CD4: variants seen among roughly 807,000 people sequenced by gnomAD.
The protein encoded by CD4 is CD4 molecule.
CD4 carries 25 observed loss-of-function variants against 50.5 expected under a neutral mutation model. The ratio of observed to expected loss-of-function variants is 0.49; its 90% confidence interval spans 0.36 to 0.69. CD4 has a LOEUF of 0.69. Among genes scored for constraint, CD4 ranks in the 30% least tolerant of loss-of-function variants. The pLI is 0.00. For missense variants in CD4, 456 were observed against 548.5 expected, an observed-to-expected ratio of 0.83 and a Z score of 1.68; for synonymous variants, 207 against 221.9, an observed-to-expected ratio of 0.93 and a Z score of 0.60.
intron 3 of CD4, among the ~76,000 whole-genome samples, chr12:6,802,726 C>A (rs988420895): frequency 1.3e-5 from 2 of 151,996 alleles, no homozygotes; most frequent in South Asian, 2.1e-4. Flanking sequence ...AATGAGACTA[C>A]CAATTATTAG....
chr12:6,818,613 A>G lies in CD4; in HGVS notation c.1278+71A>G, dbSNP rs782662083. On this transcript the variant is annotated intron_variant, in intron 8 of 9. Transcript: ENST00000011653. This position sits in a 1 kb window ranked among gnomAD's most constrained non-coding sequence, Gnocchi z 5.0. Reference sequence around the variant, plus strand: ...AGTCCTCTACCAGGAGATCCTGTATATGGGAACTGATTTTGGCCCAGCTCC... The same window carrying G: ...AGTCCTCTACCAGGAGATCCTGTATGTGGGAACTGATTTTGGCCCAGCTCC... The G allele has an allele frequency of 7.9e-5, 126 of 1,589,200 alleles. 2 individuals are homozygous for G. The South Asian group carries it at 1.3e-3, about 17-fold the overall frequency.
At chr12:6,803,586 C>T (rs1942628689) in intron 3 of CD4, among the ~76,000 whole-genome samples, 1 of 149,886 alleles carries the variant, frequency 6.7e-6, no homozygotes, top group Non-Finnish European at 1.5e-5. Context: ...AGATCAAGAT[C>T]ATCCTGGCTA....
intron 3 of CD4, among the ~76,000 whole-genome samples, chr12:6,808,450 CAAAAAAAAAAAAAAAAAAA>C (rs3032789): frequency 0.026 from 977 of 37,894 alleles, 41 homozygotes; most frequent in African/African-American, 0.045. Flanking sequence ...GATTCTGTCT[CAAAAAAAAAAAAAAAAAAA>C]AAAAAAAAAA....
At chr12:6,808,069 G>A (rs1203389114) in intron 3 of CD4, among the ~76,000 whole-genome samples, 1 of 127,944 alleles carries the variant, frequency 7.8e-6, no homozygotes, top group Non-Finnish European at 1.6e-5. Flanking sequence ...GACAGAGTGA[G>A]GCTCTTTCTC....
chr12:6,816,086 A>T lies in CD4; in HGVS notation c.638A>T (p.Lys213Met). 1.2e-6 allele frequency: 2 copies of T among 1,614,106 alleles called. No homozygotes were observed. Among genetic ancestry groups the T allele is most frequent in the Non-Finnish European group, 8.5e-7 (1 of 1,180,010 alleles). Residue 213 changes from lysine to methionine, a missense_variant, in exon 6 of 10, where the codon AAG becomes ATG. Transcript: ENST00000011653. The surrounding 1 kb of genome is among the most constrained non-coding windows in gnomAD (Gnocchi z 4.9). ...CAGAAGGCCTCCAGCATAGTCTATA[A>T]GAAAGAGGGGGAACAGGTGGAGTTC... ...AFQKASSIVY[K>M]KEGEQVEFSF... is the part of the protein sequence containing the mutation.
intron 3 of CD4, among the ~76,000 whole-genome samples, chr12:6,803,129 C>T (rs1452199208): frequency 6.6e-6 from 1 of 151,944 alleles, no homozygotes; most frequent in African/African-American, 2.4e-5. Context: ...GTCTACTTGA[C>T]AGAAATAAAA....
At position 6,792,869 on chromosome 12, in the gene CD4, C is replaced by T. The variant is rs576273837; in HGVS notation, c.-68+3207C>T. Among the ~76,000 whole-genome samples the T allele has an allele frequency of 6.6e-6, 1 of 152,150 alleles. No homozygotes were observed. The highest frequency in any genetic ancestry group is 2.1e-4 in the South Asian group (1 of 4,804). ...TATGAGGCAAAGAGGAAGACAGACA[C>T]AGACACAGGGAGCTGCAGGCTGGGG... On this transcript the variant is annotated intron_variant, in intron 1 of 9. Coordinates refer to ENST00000011653, the MANE Select transcript of CD4 (RefSeq NM_000616.5). This position sits in a 1 kb window ranked among gnomAD's most constrained non-coding sequence, Gnocchi z 4.1.
intron 3 of CD4, among the ~76,000 whole-genome samples, chr12:6,806,408 C>T (rs1942760418): frequency 6.6e-6 from 1 of 151,896 alleles, no homozygotes; most frequent in Non-Finnish European, 1.5e-5. Context: ...ATCACTGAGC[C>T]AGGGAGGCAG....
chr12:6,818,730 T>C lies in CD4; in HGVS notation c.1279-117T>C, dbSNP rs1943181108. 8.4e-7 allele frequency: 1 copy of C among 1,190,514 alleles called. No homozygotes were observed. The highest frequency in any genetic ancestry group is 1.2e-6 in the Non-Finnish European group (1 of 801,462). 73.7% of individuals were successfully genotyped at this position (1,190,514 alleles called of 1,614,324 possible). On this transcript the variant is annotated intron_variant, in intron 8 of 9. Coordinates refer to ENST00000011653, the MANE Select transcript of CD4 (RefSeq NM_000616.5). The surrounding 1 kb of genome is among the most constrained non-coding windows in gnomAD (Gnocchi z 5.0). Reference sequence around the variant, plus strand: ...AGCAGAGAGTTAATTCCAGGATAGATGGCCTGGGCCATGTAACTGCTTCTC... The same window carrying C: ...AGCAGAGAGTTAATTCCAGGATAGACGGCCTGGGCCATGTAACTGCTTCTC...
chr12:6,789,830 A>G (rs1282775002), intron 1 of CD4, among the ~76,000 whole-genome samples, 168 bp downstream of exon 1: 1 of 152,234 alleles, frequency 6.6e-6, no homozygotes, highest in African/African-American at 2.4e-5. Context: ...TGGAACTGTG[A>G]GCTTCCAGAG....
chr12:6,795,441 A>G (rs1942348870), intron 1 of CD4, among the ~76,000 whole-genome samples: 1 of 152,196 alleles, frequency 6.6e-6, no homozygotes, highest in Admixed American at 6.5e-5. Flanking sequence ...AAACCACCGT[A>G]AGAGGACCAA....
At chr12:6,815,068 C>A in intron 5 of CD4, 76 bp downstream of exon 5, 1 of 1,008,222 alleles carries the variant, frequency 9.9e-7, no homozygotes, top group South Asian at 1.4e-5. Context: ...TCTGACTGCC[C>A]TGTTTCTGGT....
rs1444713418 is a variant in CD4, at chr12:6,820,132, AG to A, written c.*806del. 1.3e-5 allele frequency: 2 copies of A among 152,288 alleles called. No individual in the cohort carries two copies. Among genetic ancestry groups the A allele is most frequent in the Non-Finnish European group, 2.9e-5 (2 of 68,064 alleles). 9.4% of individuals were successfully genotyped at this position (152,288 alleles called of 1,614,324 possible). The stretch of plus-strand genomic sequence containing the variant: ...AGTTCCACTGCTGCCTCTTGAATGC[AG>A]GGACAAATGCCACACGGCTCTCACC... On this transcript the variant is annotated 3_prime_UTR_variant, in exon 10 of 10. Transcript: ENST00000011653.
chr12:6,803,205 C>CA (rs1555115646), intron 3 of CD4, among the ~76,000 whole-genome samples: 1 of 152,014 alleles, frequency 6.6e-6, no homozygotes, highest in Non-Finnish European at 1.5e-5. Flanking sequence ...GGCTGGAGTG[C>CA]AGTGGCATGA....
rs566199677 is a variant in CD4, at chr12:6,794,793, T to G, written c.-68+5131T>G. Reference sequence around the variant, plus strand: ...TATGTCTGTTTTTTTTTTGTTTTTTTTTTTTTTTTGAGATAGAGTCTTGCT... The same window carrying G: ...TATGTCTGTTTTTTTTTTGTTTTTTGTTTTTTTTTGAGATAGAGTCTTGCT... On this transcript the variant is annotated intron_variant, in intron 1 of 9. Coordinates refer to ENST00000011653, the MANE Select transcript of CD4 (RefSeq NM_000616.5). Among the ~76,000 whole-genome samples, 505 of 140,572 alleles carry G rather than the reference T, an allele frequency of 3.6e-3. 18 individuals are homozygous for G. The highest frequency in any genetic ancestry group is 0.011 in the Middle Eastern group (3 of 268). 92.2% of individuals were successfully genotyped at this position (140,572 alleles called of 152,430 possible).
intron 3 of CD4, among the ~76,000 whole-genome samples, chr12:6,809,352 C>A (rs1159279053): frequency 2.0e-5 from 3 of 151,934 alleles, no homozygotes; most frequent in Non-Finnish European, 4.4e-5. Context: ...AAAAGTTAGT[C>A]GGGAGTGGTG....
chr12:6,803,150 T>G (rs1942614740), intron 3 of CD4, among the ~76,000 whole-genome samples: 1 of 151,942 alleles, frequency 6.6e-6, no homozygotes, highest in Admixed American at 6.6e-5. Flanking sequence ...TTGTGAATAT[T>G]CTTTTTTGTT....
intron 1 of CD4, among the ~76,000 whole-genome samples, chr12:6,797,772 A>T (rs1168929442): frequency 1.3e-5 from 2 of 152,224 alleles, no homozygotes; most frequent in Non-Finnish European, 2.9e-5. Flanking sequence ...AAAGAGTAAC[A>T]GAGCAGTATT....
chr12:6,801,784 T>C (rs1404137773), intron 3 of CD4, among the ~76,000 whole-genome samples: 4 of 149,658 alleles, frequency 2.7e-5, no homozygotes, highest in Non-Finnish European at 4.4e-5. Flanking sequence ...CTGGTCTTGA[T>C]CTCCTGACCT....
Sources: gnomAD v4.1 joint callset for allele counts (sites outside exome capture counted in the v4.1 genomes callset) on GRCh38, gnomAD v4.1.1 for gene constraint, Gnocchi (gnomAD v3.1) non-coding constraint, MANE v1.5 for transcripts, NCBI Gene and HGNC (gene_info 2026-07-23, HGNC 2026-07-21) for gene names.